The following EDIL3 variants were observed in gnomAD, a reference collection of about 807,000 sequenced individuals.
The protein encoded by EDIL3 is EGF like and discoidin domains 3.
EDIL3 carries 37 observed loss-of-function variants against 67.4 expected under a neutral mutation model. The observed-to-expected ratio is 0.55, with a 90% CI of 0.42 to 0.72. EDIL3 has a LOEUF of 0.72. Ranked by LOEUF, EDIL3 falls within the 30% of genes least tolerant of loss-of-function variation. EDIL3 has a pLI of 0.00. For missense variants in EDIL3, 527 were observed against 586.3 expected, an observed-to-expected ratio of 0.90 and a Z score of 1.04; for synonymous variants, 195 against 196.3, an observed-to-expected ratio of 0.99 and a Z score of 0.05.
At position 84,060,953 on chromosome 5, in the gene EDIL3, C is replaced by T. The variant is rs186189069; in HGVS notation, c.953-469G>A. 3.3e-5 allele frequency among the ~76,000 whole-genome samples: 5 copies of T among 152,246 alleles called. No homozygotes were observed. In the East Asian group the frequency reaches 5.8e-4, roughly 18 times the overall value. ...CTCAGTACAAAGTCATTTTCACAAGCTGCTCTACTGCTGTATTCTAAACCG... is the reference window on the plus strand; with the variant it reads ...CTCAGTACAAAGTCATTTTCACAAGTTGCTCTACTGCTGTATTCTAAACCG... On this transcript the variant is annotated intron_variant, in intron 8 of 10. Transcript: ENST00000296591.
chr5:84,154,857 G>A (rs1428189749), intron 4 of EDIL3, among the ~76,000 whole-genome samples: 2 of 151,660 alleles, frequency 1.3e-5, no homozygotes, highest in African/African-American at 2.4e-5. Flanking sequence ...CCGCCACCAC[G>A]CCCAGCTAAT....
At chr5:84,014,099 T>G (rs868585523) in intron 9 of EDIL3, among the ~76,000 whole-genome samples, 5 of 152,196 alleles carry the variant, frequency 3.3e-5, no homozygotes, top group Admixed American at 2.0e-4. Flanking sequence ...AATGTTTTAT[T>G]CAGTTTAAAT....
intron 1 of EDIL3, among the ~76,000 whole-genome samples, chr5:84,334,906 T>C (rs1746954805): frequency 6.6e-6 from 1 of 152,210 alleles, no homozygotes; most frequent in South Asian, 2.1e-4. Context: ...AGAGGTCTCT[T>C]AAATCCTTTA....
chr5:84,075,509 T>C (rs1169238843), intron 6 of EDIL3, among the ~76,000 whole-genome samples: 1 of 152,070 alleles, frequency 6.6e-6, no homozygotes, highest in African/African-American at 2.4e-5. Context: ...GGAGTCTTCC[T>C]CTGTCACCCA....
At chr5:84,189,543 G>A (rs971619707) in intron 3 of EDIL3, among the ~76,000 whole-genome samples, 32 of 151,824 alleles carry the variant, frequency 2.1e-4, no homozygotes, top group Non-Finnish European at 1.5e-4. Flanking sequence ...CACAGCAAAA[G>A]AGCTATCATT....
At chr5:84,304,123 A>C (rs1431589449) in intron 1 of EDIL3, among the ~76,000 whole-genome samples, 1 of 152,178 alleles carries the variant, frequency 6.6e-6, no homozygotes, top group Non-Finnish European at 1.5e-5. Context: ...ATAATGGTAA[A>C]TATATGAAGA....
At chr5:84,371,615 A>T (rs952097496) in intron 1 of EDIL3, among the ~76,000 whole-genome samples, 5 of 151,462 alleles carry the variant, frequency 3.3e-5, no homozygotes, top group African/African-American at 9.7e-5. Flanking sequence ...ATGATAAAAA[A>T]TAACAATAAA....
intron 8 of EDIL3, among the ~76,000 whole-genome samples, chr5:84,061,067 A>G (rs1199446634): frequency 6.6e-6 from 1 of 152,126 alleles, no homozygotes; most frequent in African/African-American, 2.4e-5. Flanking sequence ...AGAGGAATCT[A>G]GTATTTACTG....
intron 1 of EDIL3, among the ~76,000 whole-genome samples, chr5:84,272,561 A>G (rs578223088): frequency 4.5e-4 from 68 of 152,260 alleles, no homozygotes; most frequent in African/African-American, 1.5e-3. Context: ...CATTTAATAC[A>G]CAAAATAAAC....
intron 1 of EDIL3, among the ~76,000 whole-genome samples, chr5:84,369,701 T>C (rs1747805618): frequency 6.6e-6 from 1 of 152,156 alleles, no homozygotes; most frequent in Admixed American, 6.6e-5. Flanking sequence ...TAAATGTATT[T>C]AATATCACTA....
At chr5:84,370,702 T>C (rs1034677307) in intron 1 of EDIL3, among the ~76,000 whole-genome samples, 4 of 152,202 alleles carry the variant, frequency 2.6e-5, no homozygotes, top group Non-Finnish European at 5.9e-5. Flanking sequence ...TAGACAGCTA[T>C]GGAAACAGTA....
At chr5:84,050,245 G>C (rs907046085) in intron 9 of EDIL3, among the ~76,000 whole-genome samples, 1 of 148,180 alleles carries the variant, frequency 6.7e-6, no homozygotes, top group Non-Finnish European at 1.5e-5. Flanking sequence ...ATTTGCTTGA[G>C]AAGTTCCAGA....
chr5:84,089,207 A>G (rs1360145762), intron 6 of EDIL3, among the ~76,000 whole-genome samples: 1 of 152,230 alleles, frequency 6.6e-6, no homozygotes, highest in Non-Finnish European at 1.5e-5. Flanking sequence ...GCTTAGAAGC[A>G]GAAGTGTCAC....
intron 9 of EDIL3, among the ~76,000 whole-genome samples, chr5:83,989,266 T>C (rs138020993): frequency 6.6e-6 from 1 of 152,260 alleles, no homozygotes; most frequent in African/African-American, 2.4e-5. Flanking sequence ...AAAAGATTCA[T>C]CCCATTAGAT....
intron 5 of EDIL3, among the ~76,000 whole-genome samples, chr5:84,122,912 G>A (rs1747804461): frequency 6.6e-6 from 1 of 151,894 alleles, no homozygotes; most frequent in Non-Finnish European, 1.5e-5. Context: ...AGTTTTCTAA[G>A]ATTGAAAGTG....
At chr5:84,001,560 A>G (rs7717093) in intron 9 of EDIL3, among the ~76,000 whole-genome samples, 6,836 of 152,134 alleles carry the variant, frequency 0.045, 494 homozygotes, top group African/African-American at 0.15. Flanking sequence ...ACTGCCAAAA[A>G]AAAAGAGACA....
intron 1 of EDIL3, among the ~76,000 whole-genome samples, chr5:84,312,397 A>C (rs1219173111): frequency 1.9e-5 from 2 of 105,968 alleles, no homozygotes; most frequent in African/African-American, 3.7e-5. Context: ...CTCCCCCACC[A>C]CCCTCCCGGA....
chr5:83,996,912 G>A (rs1745247089), intron 9 of EDIL3, among the ~76,000 whole-genome samples: 1 of 152,154 alleles, frequency 6.6e-6, no homozygotes, highest in South Asian at 2.1e-4. Flanking sequence ...CAGATCTCTA[G>A]GTAATTCATA....
At chr5:84,041,364 T>C (rs1010169254) in intron 9 of EDIL3, among the ~76,000 whole-genome samples, 2 of 151,794 alleles carry the variant, frequency 1.3e-5, no homozygotes, top group African/African-American at 4.8e-5. Context: ...CAGCTGATTC[T>C]GATGCAGGAG....
Sources: gnomAD v4.1 joint callset for allele counts (sites outside exome capture counted in the v4.1 genomes callset) on GRCh38, gnomAD v4.1.1 for gene constraint, MANE v1.5 for transcripts, NCBI Gene and HGNC (gene_info 2026-07-23, HGNC 2026-07-21) for gene names.